The following UGT1A6 variants were observed in gnomAD, a reference collection of about 807,000 sequenced individuals.
UGT1A6 encodes the protein UDP glucuronosyltransferase family 1 member A6.
UGT1A6 carries 32 observed loss-of-function variants against 44.4 expected under a neutral mutation model. The ratio of observed to expected loss-of-function variants is 0.72; its 90% CI spans 0.54 to 0.97. UGT1A6 has a LOEUF of 0.97. UGT1A6 is among the 50% of genes least tolerant of loss of function. The pLI is 0.00. For missense variants in UGT1A6, 685 were observed against 661.9 expected (o/e 1.03, Z -0.38); for synonymous variants, 238 against 248.5 (o/e 0.96, Z 0.40).
intron 1 of UGT1A6, chr2:233,718,927 C>T (rs149779946): frequency 8.1e-5 from 131 of 1,614,002 alleles, no homozygotes; most frequent in Non-Finnish European, 1.0e-4. Context: ...GTGGTGCCCA[C>T]TGATGGCAGC....
intron 1 of UGT1A6, among the ~76,000 whole-genome samples, chr2:233,730,279 A>G (rs1016900889): frequency 6.6e-6 from 1 of 152,176 alleles, no homozygotes; most frequent in Non-Finnish European, 1.5e-5. Flanking sequence ...TAAAGGCACC[A>G]TCTTCATGGT....
chr2:233,768,267 GT>G lies in UGT1A6; in HGVS notation c.1132del (p.Tyr378MetfsTer11). Reference protein sequence around the residue: ...AFITHAGSHGVYESICNGVPM... With the variant: ...AFITHAGSHGXYESICNGVPM... The stretch of plus-strand genomic sequence containing the variant: ...TATCACCCATGCTGGTTCCCATGGT[GT>G]TTATGAAAGCATATGCAATGGCGTT... On this transcript the variant is annotated frameshift_variant, in exon 4 of 5. Coordinates refer to ENST00000305139, the MANE Select transcript of UGT1A6 (RefSeq NM_001072.4). LOFTEE classifies it high-confidence loss of function. 6.2e-7 allele frequency: 1 copy of G among 1,614,160 alleles called. No homozygotes were observed. The highest frequency in any genetic ancestry group is 8.5e-7 in the Non-Finnish European group (1 of 1,180,032).
intron 1 of UGT1A6, among the ~76,000 whole-genome samples, chr2:233,758,370 T>C (rs1198211865): frequency 6.6e-6 from 1 of 152,206 alleles, no homozygotes; most frequent in Non-Finnish European, 1.5e-5. Context: ...ATAAAATCAT[T>C]ACAGTGGTGA....
At chr2:233,760,969 TC>T in intron 1 of UGT1A6, 1 of 1,614,196 alleles carries the variant, frequency 6.2e-7, no homozygotes, top group Admixed American at 1.7e-5. Context: ...CGTGGTTTAT[TC>T]CCCGTATGCA....
intron 1 of UGT1A6, chr2:233,743,993 G>C: frequency 7.9e-7 from 1 of 1,258,672 alleles, no homozygotes; most frequent in Non-Finnish European, 1.0e-6. Context: ...GCAGGCCCGA[G>C]TGCTCGGAGA....
intron 1 of UGT1A6, among the ~76,000 whole-genome samples, chr2:233,736,870 C>T (rs1044494188): frequency 6.6e-6 from 1 of 152,190 alleles, no homozygotes; most frequent in African/African-American, 2.4e-5. Context: ...GCAAATATTG[C>T]AGAACAGCAA....
At chr2:233,691,835 G>A (rs2075059557), upstream of UGT1A6, 1 of 166,852 alleles carries the variant, frequency 6.0e-6, no homozygotes, top group African/African-American at 2.4e-5. Context: ...GTAACAGTTT[G>A]AATGTTGTTA....
chr2:233,697,476 G>A (rs28900068), intron 1 of UGT1A6, among the ~76,000 whole-genome samples: 1,638 of 149,000 alleles, frequency 0.011, 39 homozygotes, highest in African/African-American at 0.038. Context: ...TCTTAGTCTA[G>A]CTCAAGGTTT....
rs1272833298 is a variant in UGT1A6, at chr2:233,768,361, C to T, written c.1223C>T (p.Ala408Val). ...DNAKRMETKG[A>V]GVTLNVLEMT... is the part of the protein sequence containing the mutation. ...GCAAAGCGCATGGAGACTAAGGGAG[C>T]TGGAGTGACCCTGAATGTTCTGGAA... Residue 408 changes from alanine to valine, a missense_variant, in exon 4 of 5, where the codon GCT becomes GTT. Physicochemically the swap from Ala to Val is moderately conservative, Grantham distance 64. Coordinates refer to ENST00000305139, the MANE Select transcript of UGT1A6 (RefSeq NM_001072.4). 1 of 1,614,004 alleles carries T rather than the reference C, an allele frequency of 6.2e-7. No individual in the cohort carries two copies. The highest frequency in any genetic ancestry group is 1.3e-5 in the African/African-American group (1 of 74,914).
intron 1 of UGT1A6, chr2:233,719,725 C>A (rs766716310): frequency 3.7e-5 from 59 of 1,613,632 alleles, no homozygotes; most frequent in Non-Finnish European, 4.7e-5. Context: ...ATGTTCCAGG[C>A]AAAACACTTT....
chr2:233,763,751 G>A (rs758447394), intron 1 of UGT1A6, among the ~76,000 whole-genome samples: 3 of 152,212 alleles, frequency 2.0e-5, no homozygotes, highest in Non-Finnish European at 4.4e-5. Flanking sequence ...TCTTTGGTGT[G>A]TCTGAAGGAA....
At chr2:233,714,333 C>G (rs2076379859) in intron 1 of UGT1A6, among the ~76,000 whole-genome samples, 2 of 152,268 alleles carry the variant, frequency 1.3e-5, no homozygotes. Flanking sequence ...GAGACCTAAG[C>G]ACTCAGAGGA....
At chr2:233,729,586 G>A (rs138085546) in intron 1 of UGT1A6, 599 of 1,614,044 alleles carry the variant, frequency 3.7e-4, no homozygotes, top group Non-Finnish European at 4.5e-4. Context: ...AACAGACCCC[G>A]TTAACCTCTG....
At chr2:233,765,397 A>G (rs1698823781) in intron 1 of UGT1A6, among the ~76,000 whole-genome samples, 1 of 152,238 alleles carries the variant, frequency 6.6e-6, no homozygotes, top group South Asian at 2.1e-4. Context: ...AAAATGTGGT[A>G]CATATACACC....
Position 233,769,129 on chromosome 2 carries a change from C to T in UGT1A6, c.1301+690C>T, listed in dbSNP as rs1228379721. Among the ~76,000 whole-genome samples, 1 of 152,120 alleles carries T rather than the reference C, an allele frequency of 6.6e-6. No homozygotes were observed. The highest frequency in any genetic ancestry group is 1.9e-4 in the East Asian group (1 of 5,198). On this transcript the variant is annotated intron_variant, in intron 4 of 4. Coordinates refer to ENST00000305139, the MANE Select transcript of UGT1A6 (RefSeq NM_001072.4). This position sits in a 1 kb window ranked among gnomAD's most constrained non-coding sequence, Gnocchi z 4.4. ...AAAACAACTCAAATGCTTAGAAGTA[C>T]AGCTTTTTGCAGCACTGGAACCTGT...
At chr2:233,716,548 A>G (rs17864696) in intron 1 of UGT1A6, among the ~76,000 whole-genome samples, 1 of 152,142 alleles carries the variant, frequency 6.6e-6, no homozygotes, top group African/African-American at 2.4e-5. Context: ...CTCTCCTTAT[A>G]TTCCTTTTTT....
At chr2:233,752,762 C>CA (rs1695055217) in intron 1 of UGT1A6, among the ~76,000 whole-genome samples, 1 of 152,222 alleles carries the variant, frequency 6.6e-6, no homozygotes, top group Non-Finnish European at 1.5e-5. Flanking sequence ...AACAAACAAA[C>CA]AAACAAACAA....
intron 1 of UGT1A6, among the ~76,000 whole-genome samples, chr2:233,708,247 A>G (rs2076009794): frequency 6.6e-6 from 1 of 152,202 alleles, no homozygotes; most frequent in South Asian, 2.1e-4. Flanking sequence ...ATAAGTGTAC[A>G]CTTTCCTTCA....
chr2:233,723,051 G>T (rs1327620442), intron 1 of UGT1A6, among the ~76,000 whole-genome samples: 1 of 141,468 alleles, frequency 7.1e-6, no homozygotes, highest in Non-Finnish European at 1.5e-5. Context: ...GGCACACTCG[G>T]TGTAACTTTA....
Sources: gnomAD v4.1 joint callset for allele counts (sites outside exome capture counted in the v4.1 genomes callset) on GRCh38, gnomAD v4.1.1 for gene constraint, Gnocchi (gnomAD v3.1) non-coding constraint, MANE v1.5 for transcripts, NCBI Gene and HGNC (gene_info 2026-07-23, HGNC 2026-07-21) for gene names.